Variants in ANGPT2 observed in about 807,000 individuals in gnomAD.
ANGPT2 encodes the protein angiopoietin 2.
A neutral mutation model predicts 62.9 loss-of-function variants in ANGPT2; 28 were observed. The ratio of observed to expected loss-of-function variants is 0.44; its 90% CI spans 0.33 to 0.61. The LOEUF is 0.61. Among genes scored for constraint, ANGPT2 ranks in the 20% least tolerant of loss-of-function variants. ANGPT2 has a pLI of 0.03. For synonymous variants in ANGPT2, 284 were observed against 207.8 expected, an observed-to-expected ratio of 1.37 and a Z score of -3.15; for missense variants, 727 against 594.9, an observed-to-expected ratio of 1.22 and a Z score of -2.31.
intron 1 of ANGPT2, among the ~76,000 whole-genome samples, chr8:6,540,705 C>T (rs1330434868): frequency 6.6e-6 from 1 of 152,282 alleles, no homozygotes; most frequent in African/African-American, 2.4e-5. Flanking sequence ...ACCAGATTCT[C>T]ACACTGCCTT....
chr8:6,523,771 T>C (rs1817811473), intron 3 of ANGPT2, among the ~76,000 whole-genome samples: 1 of 152,172 alleles, frequency 6.6e-6, no homozygotes, highest in Admixed American at 6.5e-5. Context: ...GTATTTTTAG[T>C]AGAGACGTGG....
chr8:6,553,808 C>T (rs1035501819), intron 1 of ANGPT2, among the ~76,000 whole-genome samples: 2 of 152,102 alleles, frequency 1.3e-5, no homozygotes, highest in African/African-American at 4.8e-5. Flanking sequence ...GTCAGACGGT[C>T]CTTATAAAGT....
chr8:6,562,931 A>T lies in ANGPT2; in HGVS notation c.4T>A (p.Trp2Arg). The T allele has an allele frequency of 3.2e-6, 5 of 1,583,964 alleles. No homozygotes were observed. Among genetic ancestry groups the T allele is most frequent in the Non-Finnish European group, 4.3e-6 (5 of 1,157,020 alleles). ...CTCAGAGTAAAGAAAACAATCTGCCACATTCTTTCTTCAGTAATAAACCAG... is the reference window on the plus strand; with the variant it reads ...CTCAGAGTAAAGAAAACAATCTGCCTCATTCTTTCTTCAGTAATAAACCAG... M[W>R]QIVFFTLSCD... The change falls in exon 1 of 9, where the codon TGG becomes AGG. Residue 2 changes from tryptophan (W) to arginine (R), a missense_variant. Coordinates refer to ENST00000629816, the MANE Select transcript of ANGPT2 (RefSeq NM_001118887.2).
chr8:6,538,327 G>C (rs1203619283), intron 1 of ANGPT2, among the ~76,000 whole-genome samples: 2 of 152,128 alleles, frequency 1.3e-5, no homozygotes, highest in African/African-American at 4.8e-5. Flanking sequence ...CCCGCCCAGG[G>C]TCCACTGTCC....
intron 3 of ANGPT2, among the ~76,000 whole-genome samples, chr8:6,526,204 A>G (rs1444288429): frequency 6.7e-6 from 1 of 150,214 alleles, no homozygotes; most frequent in Admixed American, 6.7e-5. Flanking sequence ...CAGAAGGCTT[A>G]AATTCAGGAG....
At chr8:6,521,830 A>G (rs1164461839) in intron 3 of ANGPT2, among the ~76,000 whole-genome samples, 1 of 152,168 alleles carries the variant, frequency 6.6e-6, no homozygotes, top group East Asian at 1.9e-4. Context: ...GCTTTCTCCT[A>G]AACTATTTAT....
chr8:6,554,822 G>C (rs982514861), intron 1 of ANGPT2, among the ~76,000 whole-genome samples: 1 of 152,162 alleles, frequency 6.6e-6, no homozygotes, highest in Admixed American at 6.5e-5. Flanking sequence ...GTTTTAGCTG[G>C]TTGCAGGAGG....
intron 8 of ANGPT2, 50 bp from the exon 9 acceptor site, chr8:6,503,311 C>T: frequency 1.9e-6 from 3 of 1,602,968 alleles, no homozygotes; most frequent in South Asian, 2.2e-5. Flanking sequence ...ATGCCAGCTC[C>T]CACCACGAAG....
At chr8:6,519,085 G>T (rs368637220) in intron 5 of ANGPT2, among the ~76,000 whole-genome samples, 1 of 152,130 alleles carries the variant, frequency 6.6e-6, no homozygotes, top group African/African-American at 2.4e-5. Context: ...CATATGCCTT[G>T]AAGTGAACTC....
At chr8:6,519,826 A>G in intron 5 of ANGPT2, 38 bp downstream of exon 5, 1 of 1,608,136 alleles carries the variant, frequency 6.2e-7, no homozygotes, top group Non-Finnish European at 8.5e-7. Context: ...TGGCCTGCCT[A>G]GAGCCAGGGA....
At chr8:6,561,969 C>A (rs116625035) in intron 1 of ANGPT2, among the ~76,000 whole-genome samples, 361 of 152,274 alleles carry the variant, frequency 2.4e-3, no homozygotes, top group African/African-American at 8.4e-3. Context: ...GGACGCATTC[C>A]GCACCGGTTG....
intron 1 of ANGPT2, among the ~76,000 whole-genome samples, chr8:6,561,556 G>C (rs1430038184): frequency 6.6e-6 from 1 of 152,182 alleles, no homozygotes; most frequent in Non-Finnish European, 1.5e-5. Context: ...GCTTTTTCTA[G>C]GGTCATGCGT....
chr8:6,502,851 G>A lies in ANGPT2; in HGVS notation c.*250C>T. The A allele has an allele frequency of 2.2e-6, 1 of 456,164 alleles. No individual in the cohort carries two copies. The highest frequency in any genetic ancestry group is 3.9e-6 in the Non-Finnish European group (1 of 256,958). The allele number at this position is 456,164 out of a possible 1,614,324, so 28.3% of individuals were successfully genotyped here. A position where few individuals can be genotyped will look rare whatever the true frequency, so the allele number is the denominator to read the frequency against. On this transcript the variant is annotated 3_prime_UTR_variant, in exon 9 of 9. Coordinates refer to ENST00000629816, the MANE Select transcript of ANGPT2 (RefSeq NM_001118887.2). ...CTGTCAGTCTGATTCTCAGCCTCGG[G>A]TTCATCTTTGCATAGGTGTTCTGTC... is the stretch of plus-strand genomic sequence containing the variant.
intron 1 of ANGPT2, among the ~76,000 whole-genome samples, chr8:6,561,765 T>A (rs1825578618): frequency 6.6e-6 from 1 of 152,042 alleles, no homozygotes; most frequent in Non-Finnish European, 1.5e-5. Context: ...TATAAATAGC[T>A]CCCATGTTTA....
At chr8:6,515,141 C>G (rs1226754386) in intron 5 of ANGPT2, among the ~76,000 whole-genome samples, 1 of 152,072 alleles carries the variant, frequency 6.6e-6, no homozygotes, top group South Asian at 2.1e-4. Context: ...GGCCCCGAAC[C>G]CCACATCTCC....
chr8:6,538,590 G>C (rs1398923958), intron 1 of ANGPT2, among the ~76,000 whole-genome samples: 1 of 152,120 alleles, frequency 6.6e-6, no homozygotes, highest in Non-Finnish European at 1.5e-5. Context: ...CTCATACCAC[G>C]GCCGCCTTTG....
chr8:6,550,726 A>G (rs1823496025), intron 1 of ANGPT2, among the ~76,000 whole-genome samples: 4 of 152,232 alleles, frequency 2.6e-5, no homozygotes, highest in Admixed American at 2.0e-4. Context: ...AAGAAATTTT[A>G]TCAGAGTTTT....
intron 8 of ANGPT2, chr8:6,508,617 A>G (rs1814276879): frequency 2.0e-6 from 1 of 488,618 alleles, no homozygotes; most frequent in Non-Finnish European, 3.5e-6. Context: ...AATGTAATTA[A>G]ACCATCTCTC....
At chr8:6,537,002 A>G (rs902615029) in intron 1 of ANGPT2, among the ~76,000 whole-genome samples, 2 of 151,694 alleles carry the variant, frequency 1.3e-5, no homozygotes, top group Non-Finnish European at 2.9e-5. Flanking sequence ...CAACCCAGTA[A>G]ATAAGCCATC....
Sources: allele counts gnomAD v4.1 joint callset (sites outside exome capture counted in the v4.1 genomes callset), GRCh38; gene constraint gnomAD v4.1.1; transcripts MANE v1.5; gene names NCBI Gene and HGNC (gene_info 2026-07-23, HGNC 2026-07-21).